SPTB: variants seen among roughly 807,000 people sequenced by gnomAD.
The protein encoded by SPTB is spectrin beta chain, erythrocytic.
In SPTB, 45 loss-of-function variants were observed where a neutral mutation model predicts 256.2. The ratio of observed to expected loss-of-function variants is 0.18; its 90% confidence interval spans 0.14 to 0.23. SPTB has a LOEUF of 0.23. SPTB is among the 10% of genes least tolerant of loss of function. The pLI is 1.00. For missense variants in SPTB, 2,715 were observed against 3,040.4 expected (o/e 0.89, Z 2.52); for synonymous variants, 1,231 against 1,243.1 (o/e 0.99, Z 0.21).
chr14:64,774,600 A>G, intron 23 of SPTB, 73 bp from the exon 24 acceptor site: 2 of 1,547,516 alleles, frequency 1.3e-6, no homozygotes, highest in Middle Eastern at 3.3e-4. Flanking sequence ...TTGTGCCCCC[A>G]CTCCTGGAGG....
chr14:64,766,573 C>T, intron 32 of SPTB, 153 bp downstream of exon 32: 3 of 1,591,426 alleles, frequency 1.9e-6, no homozygotes, highest in Admixed American at 3.4e-5. Flanking sequence ...ACGTAGCCTG[C>T]TCTGCTGGGA....
At chr14:64,755,413 T>G (rs566699270) in intron 32 of SPTB, 1 of 152,334 alleles carries the variant, frequency 6.6e-6, no homozygotes, top group Admixed American at 6.5e-5. Flanking sequence ...AAGATAAAAC[T>G]GGTCATGTTT....
intron 1 of SPTB, among the ~76,000 whole-genome samples, chr14:64,865,426 A>G (rs965193146): frequency 2.6e-5 from 4 of 152,146 alleles, no homozygotes; most frequent in African/African-American, 9.6e-5. Flanking sequence ...CACTCCCAGC[A>G]TATTTAGAAG....
chr14:64,855,457 A>T (rs1433491416), intron 1 of SPTB, among the ~76,000 whole-genome samples: 1 of 152,208 alleles, frequency 6.6e-6, no homozygotes, highest in Non-Finnish European at 1.5e-5. Context: ...TTCCATCACA[A>T]GACACCAAAT....
At chr14:64,819,307 GT>G (rs1199549235) in intron 2 of SPTB, among the ~76,000 whole-genome samples, 14 of 152,204 alleles carry the variant, frequency 9.2e-5, no homozygotes, top group Admixed American at 9.2e-4. Context: ...AGAACAGGGA[GT>G]ATTTCCTTTG....
Position 64,844,573 on chromosome 14 carries a change from G to A in SPTB, c.-51-21428C>T, listed in dbSNP as rs894933494. On this transcript the variant is annotated intron_variant, in intron 1 of 35. Coordinates refer to ENST00000644917, the MANE Select transcript of SPTB (RefSeq NM_001355436.2). This position sits in a 1 kb window ranked among gnomAD's most constrained non-coding sequence, Gnocchi z 4.1. Reference sequence around the variant, plus strand: ...ACACAACTGTGAGAAGCCTGATGCCGGTCTGACAGCAGAACTTTAGGATGA... The same window carrying A: ...ACACAACTGTGAGAAGCCTGATGCCAGTCTGACAGCAGAACTTTAGGATGA... Among the ~76,000 whole-genome samples, 5 of 152,284 alleles carry A rather than the reference G, an allele frequency of 3.3e-5. No individual in the cohort carries two copies. The highest frequency in any genetic ancestry group is 7.2e-5 in the African/African-American group (3 of 41,554).
Position 64,801,744 on chromosome 14 carries a change from T to C in SPTB, c.647+10A>G. 1 of 1,613,540 alleles carries C rather than the reference T, an allele frequency of 6.2e-7. No homozygotes were observed. Among genetic ancestry groups the C allele is most frequent in the Non-Finnish European group, 8.5e-7 (1 of 1,179,556 alleles). ...TCAGTCAGTCCCCACGGCTGTCCCC[T>C]CCCTCTTACCGGTGCTTGTGTATCA... is the stretch of plus-strand genomic sequence containing the variant. On this transcript the variant is annotated intron_variant, in intron 6 of 35. Coordinates refer to ENST00000644917, the MANE Select transcript of SPTB (RefSeq NM_001355436.2).
chr14:64,809,376 C>T (rs192459743), intron 2 of SPTB, among the ~76,000 whole-genome samples: 176 of 151,456 alleles, frequency 1.2e-3, no homozygotes, highest in African/African-American at 3.7e-3. Context: ...GATGGAGTCT[C>T]GCTCTGTTGC....
intron 1 of SPTB, among the ~76,000 whole-genome samples, chr14:64,868,763 T>C (rs1882344935): frequency 6.6e-6 from 1 of 152,208 alleles, no homozygotes; most frequent in Non-Finnish European, 1.5e-5. Context: ...CTATTGCATT[T>C]GACAATAATT....
rs995650001 is a variant in SPTB at position 64,777,135 on chromosome 14, C to T, written c.4564-1732G>A. 2.6e-5 allele frequency among the ~76,000 whole-genome samples: 4 copies of T among 152,060 alleles called. No homozygotes were observed. Among genetic ancestry groups the T allele is most frequent in the Admixed American group, 6.5e-5 (1 of 15,272 alleles). ...CGAAACTTGACCATGACATGAATGA[C>T]GGGAGGGAGGCAACCACACAGAGAT... On this transcript the variant is annotated intron_variant, in intron 22 of 35. Coordinates refer to ENST00000644917, the MANE Select transcript of SPTB (RefSeq NM_001355436.2). This position sits in a 1 kb window ranked among gnomAD's most constrained non-coding sequence, Gnocchi z 4.5.
intron 15 of SPTB, among the ~76,000 whole-genome samples, chr14:64,791,348 G>A (rs1012674388): frequency 5.9e-5 from 9 of 151,988 alleles, no homozygotes; most frequent in Admixed American, 2.0e-4. Flanking sequence ...TGGGCAGATC[G>A]CTTGAGGCCA....
At chr14:64,869,523 CA>C (rs1392764182) in intron 1 of SPTB, among the ~76,000 whole-genome samples, 1 of 152,006 alleles carries the variant, frequency 6.6e-6, no homozygotes, top group Non-Finnish European at 1.5e-5. Context: ...TAGCTCACTG[CA>C]GCCTTGAACT....
Position 64,749,127 on chromosome 14 carries a change from G to A in SPTB, c.*179C>T. 2 of 645,922 alleles carry A rather than the reference G, an allele frequency of 3.1e-6. No homozygotes were observed. The highest frequency in any genetic ancestry group is 5.0e-6 in the Non-Finnish European group (2 of 401,492). The allele number at this position is 645,922 out of a possible 1,614,324, so 40.0% of individuals were successfully genotyped here. ...CAGCGCGGGCGAGGGCATGGAGGGG[G>A]CGTCGGCCCAGGACACGCGGGCGAA... is the stretch of plus-strand genomic sequence containing the variant. On this transcript the variant is annotated 3_prime_UTR_variant, in exon 36 of 36. Coordinates refer to ENST00000644917, the MANE Select transcript of SPTB (RefSeq NM_001355436.2). The surrounding 1 kb of genome is among the most constrained non-coding windows in gnomAD (Gnocchi z 4.7).
In SPTB at chr14:64,766,744, G is replaced by A. The variant is rs781195706; in HGVS notation, c.6327C>T (p.Ala2109=). 2 of 1,612,590 alleles carry A rather than the reference G, an allele frequency of 1.2e-6. No homozygotes were observed. The highest frequency in any genetic ancestry group is 1.3e-5 in the African/African-American group (1 of 74,678). ...GACTGACCGGGGACGTTCTCTCGGTGGCCGCATGGTGGGAAACTGGAGCCT... is the reference window on the plus strand; with the variant it reads ...GACTGACCGGGGACGTTCTCTCGGTAGCCGCATGGTGGGAAACTGGAGCCT... ...AGEAPVSHHA[A]TERTSPGEEE... The change falls in exon 32 of 36, where the codon GCC becomes GCT. Residue 2109 remains alanine, a synonymous_variant. Transcript: ENST00000644917.
At chr14:64,773,557 CAG>C in intron 24 of SPTB, 133 bp from the exon 25 acceptor site, 1 of 973,614 alleles carries the variant, frequency 1.0e-6, no homozygotes, top group Non-Finnish European at 1.6e-6. Flanking sequence ...GGAGAAATGA[CAG>C]GGGCTTTGCC....
At chr14:64,804,913 C>T (rs758718276) in intron 3 of SPTB, 26 bp downstream of exon 3, 17 of 1,613,362 alleles carry the variant, frequency 1.1e-5, no homozygotes, top group Non-Finnish European at 1.4e-5. Context: ...TGGCAGCAGC[C>T]CCGGGGCCCA....
At position 64,802,724 on chromosome 14, in the gene SPTB, C is replaced by T. The variant is rs1472750064; in HGVS notation, c.475-407G>A. Among the ~76,000 whole-genome samples, 1 of 152,192 alleles carries T rather than the reference C, an allele frequency of 6.6e-6. No homozygotes were observed. The highest frequency in any genetic ancestry group is 2.4e-5 in the African/African-American group (1 of 41,438). ...CTTGCCCTCAAGGAGTAGCCGCCAG[C>T]CCCGCAGCAACACCACATCCTGAGG... On this transcript the variant is annotated intron_variant, in intron 4 of 35. Coordinates refer to ENST00000644917, the MANE Select transcript of SPTB (RefSeq NM_001355436.2). This position sits in a 1 kb window ranked among gnomAD's most constrained non-coding sequence, Gnocchi z 5.1.
Position 64,801,339 on chromosome 14 carries a change from C to T in SPTB, c.709G>A (p.Ala237Thr), listed in dbSNP as rs540089964. ...DSNARHNLEHAFNVAERQLGI... is the reference protein window; with the variant it reads ...DSNARHNLEHTFNVAERQLGI... The stretch of plus-strand genomic sequence containing the variant: ...AGCTGGCGCTCAGCCACATTGAATG[C>T]GTGCTCCAGGTTGTGCCGGGCATTG... Residue 237 changes from alanine (A) to threonine (T), a missense_variant, in exon 7 of 36, where the codon GCA becomes ACA. By Grantham distance (58) the Ala-to-Thr change is moderately conservative. Around this residue, in one of 4 missense-constraint regions of SPTB, gnomAD observed 416 missense variants for 571.1 expected, o/e 0.73. Coordinates refer to ENST00000644917, the MANE Select transcript of SPTB (RefSeq NM_001355436.2). 6.8e-6 allele frequency: 11 copies of T among 1,614,198 alleles called. No homozygotes were observed. The highest frequency in any genetic ancestry group is 5.5e-5 in the South Asian group (5 of 91,088).
chr14:64,812,656 G>A, intron 2 of SPTB, among the ~76,000 whole-genome samples: 1 of 151,810 alleles, frequency 6.6e-6, no homozygotes, highest in African/African-American at 2.4e-5. Flanking sequence ...CACACCAGCT[G>A]CCAGCCCCAC....
Sources: gnomAD v4.1 joint callset for allele counts (sites outside exome capture counted in the v4.1 genomes callset) on GRCh38, gnomAD v4.1.1 for gene constraint, gnomAD v4.1.1 regional missense constraint, Gnocchi (gnomAD v3.1) non-coding constraint, MANE v1.5 for transcripts, NCBI Gene and HGNC (gene_info 2026-07-23, HGNC 2026-07-21) for gene names.